Variants in ATF6 observed in about 807,000 individuals in gnomAD.
The protein encoded by ATF6 is activating transcription factor 6.
ATF6 carries 53 observed loss-of-function variants against 83.6 expected under a neutral mutation model. The observed-to-expected ratio is 0.63, with a 90% CI of 0.51 to 0.80. The LOEUF is 0.80. Ranked by LOEUF, ATF6 falls within the 30% of genes least tolerant of loss-of-function variation. The pLI is 0.00. For synonymous variants in ATF6, 288 were observed against 285.8 expected (o/e 1.01, Z -0.08); for missense variants, 744 against 797.9 (o/e 0.93, Z 0.81).
rs761462420 is a variant in ATF6, at chr1:161,807,865, C to CTTTTTTTTTTTTTTTTTT, written c.909+5608_909+5625dup. ...CTTTTTGTACTTTTTAGTTTGTCAT[C>CTTTTTTTTTTTTTTTTTT]TTTTTTTTTTTTTTTTTTTTTTTTT... On this transcript the variant is annotated intron_variant, in intron 7 of 15. Transcript: ENST00000367942. 2.5e-4 allele frequency among the ~76,000 whole-genome samples: 8 copies of CTTTTTTTTTTTTTTTTTT among 32,304 alleles called. 2 individuals are homozygous for CTTTTTTTTTTTTTTTTTT. The highest frequency in any genetic ancestry group is 4.6e-4 in the African/African-American group (4 of 8,744). 21.2% of individuals were successfully genotyped at this position (32,304 alleles called of 152,430 possible).
intron 7 of ATF6, among the ~76,000 whole-genome samples, chr1:161,804,170 T>A (rs566525895): frequency 6.6e-6 from 1 of 152,190 alleles, no homozygotes; most frequent in African/African-American, 2.4e-5. Context: ...TGAACTTGAA[T>A]GTTTCTTATA....
chr1:161,778,155 T>C (rs1285187655), intron 1 of ATF6, 89 bp from the exon 2 acceptor site: 1 of 1,009,680 alleles, frequency 9.9e-7, no homozygotes, highest in African/African-American at 1.6e-5. Context: ...TGAGAAACCT[T>C]AATAGAGGTG....
intron 12 of ATF6, among the ~76,000 whole-genome samples, chr1:161,854,985 A>C (rs549305765): frequency 6.6e-6 from 1 of 152,152 alleles, no homozygotes; most frequent in Non-Finnish European, 1.5e-5. Flanking sequence ...ACTGGAATGC[A>C]GGGGCTGAGG....
rs55853407 is a variant in ATF6 at position 161,959,669 on chromosome 1, CAAAAAAAAAAAAAAAA to C, written c.*1025_*1040del. 1.1e-5 allele frequency: 1 copy of C among 87,526 alleles called. No individual in the cohort carries two copies. The highest frequency in any genetic ancestry group is 1.3e-4 in the Admixed American group (1 of 7,994). 5.4% of individuals were successfully genotyped at this position (87,526 alleles called of 1,614,324 possible). Reference sequence around the variant, plus strand: ...TGGGCGACAGAGCGAGACTCCGTCTCAAAAAAAAAAAAAAAAAAAAAAAAAGATGGAAAGTTCGATG... The same window carrying C: ...TGGGCGACAGAGCGAGACTCCGTCTCAAAAAAAAAGATGGAAAGTTCGATG... On this transcript the variant is annotated 3_prime_UTR_variant, in exon 16 of 16. Coordinates refer to ENST00000367942, the MANE Select transcript of ATF6 (RefSeq NM_007348.4).
rs1684563533 is a variant in ATF6 at position 161,778,243 on chromosome 1, G to T, written c.83-1G>T. On this transcript the variant is annotated splice_acceptor_variant, in intron 1 of 15. Transcript: ENST00000367942. LOFTEE classifies it high-confidence loss of function. Reference sequence around the variant, plus strand: ...TTTCTATTCTTTTCCTTTGTCCAAAGATTCTGCTCTCTTTGCTGAACTCGG... The same window carrying T: ...TTTCTATTCTTTTCCTTTGTCCAAATATTCTGCTCTCTTTGCTGAACTCGG... 1 of 1,612,422 alleles carries T rather than the reference G, an allele frequency of 6.2e-7. No individual in the cohort carries two copies. The highest frequency in any genetic ancestry group is 8.5e-7 in the Non-Finnish European group (1 of 1,179,220).
chr1:161,773,959 T>C (rs545900866), intron 1 of ATF6, among the ~76,000 whole-genome samples: 1 of 152,306 alleles, frequency 6.6e-6, no homozygotes, highest in South Asian at 2.1e-4. Context: ...TTTCCTTATC[T>C]AGATTTACCA....
At chr1:161,956,546 C>T (rs750404638) in intron 15 of ATF6, among the ~76,000 whole-genome samples, 14 of 152,174 alleles carry the variant, frequency 9.2e-5, no homozygotes, top group Non-Finnish European at 2.1e-4. Context: ...ATAGCCATTG[C>T]AAAGCAGCCG....
chr1:161,925,569 G>T (rs1247132819), intron 15 of ATF6, among the ~76,000 whole-genome samples: 1 of 152,020 alleles, frequency 6.6e-6, no homozygotes, highest in Non-Finnish European at 1.5e-5. Context: ...TCTTATTTTT[G>T]TAACATTCAT....
intron 14 of ATF6, among the ~76,000 whole-genome samples, chr1:161,894,884 A>G (rs1687643016): frequency 6.6e-6 from 1 of 151,602 alleles, no homozygotes. Context: ...ACATATTTAT[A>G]TAGAATTCTT....
intron 15 of ATF6, among the ~76,000 whole-genome samples, chr1:161,918,345 CT>C (rs1688141671): frequency 6.6e-6 from 1 of 152,006 alleles, no homozygotes; most frequent in Non-Finnish European, 1.5e-5. Flanking sequence ...ACTAGGCTAC[CT>C]TTCTACCACA....
Position 161,792,217 on chromosome 1 carries a change from A to G in ATF6, c.578A>G (p.Gln193Arg). Residue 193 changes from glutamine (Q) to arginine (R), a missense_variant, in exon 6 of 16, where the codon CAA becomes CGA. Physicochemically the swap from Gln to Arg is conservative, Grantham distance 43. Coordinates refer to ENST00000367942, the MANE Select transcript of ATF6 (RefSeq NM_007348.4). ...TTGCTTCCAGCAGCACCCAAGACTC[A>G]AACAAACTCCAGTGTTCCAGCAAAA... The part of the protein sequence containing the change: ...PLLLPAAPKT[Q>R]TNSSVPAKTI... The G allele has an allele frequency of 6.2e-7, 1 of 1,614,128 alleles. No homozygotes were observed. The highest frequency in any genetic ancestry group is 1.3e-5 in the African/African-American group (1 of 75,054).
intron 7 of ATF6, among the ~76,000 whole-genome samples, 161 bp from the exon 8 acceptor site, chr1:161,819,472 T>C (rs1296857853): frequency 6.6e-6 from 1 of 152,210 alleles, no homozygotes; most frequent in African/African-American, 2.4e-5. Flanking sequence ...TTTTAACTTA[T>C]TTAGTTTGAG....
chr1:161,780,037 T>TA (rs1212334792), intron 2 of ATF6, among the ~76,000 whole-genome samples: 3 of 152,066 alleles, frequency 2.0e-5, no homozygotes, highest in Non-Finnish European at 4.4e-5. Flanking sequence ...CACACCTGGC[T>TA]AAGGCTGCTT....
At chr1:161,767,003 C>T (rs1684280982) in intron 1 of ATF6, among the ~76,000 whole-genome samples, 1 of 152,154 alleles carries the variant, frequency 6.6e-6, no homozygotes, top group African/African-American at 2.4e-5. Context: ...ATCCTGACTG[C>T]TCTCCAGATA....
At chr1:161,825,612 G>C (rs1344551349) in intron 9 of ATF6, among the ~76,000 whole-genome samples, 3 of 152,172 alleles carry the variant, frequency 2.0e-5, no homozygotes, top group African/African-American at 7.2e-5. Context: ...AGCTAAATGG[G>C]AGAGACGCAT....
chr1:161,811,996 G>A (rs1685477127), intron 7 of ATF6, among the ~76,000 whole-genome samples: 1 of 152,114 alleles, frequency 6.6e-6, no homozygotes, highest in Non-Finnish European at 1.5e-5. Flanking sequence ...TTTTCACAAA[G>A]TCTTTGTGAA....
rs746886012 is a variant in ATF6, at chr1:161,784,096, T to A, written c.354T>A (p.Pro118=). The change falls in exon 4 of 16, where the codon CCT becomes CCA. Residue 118 remains proline (P), a splice_region_variant and synonymous_variant. Transcript: ENST00000367942. ...CTTATTCTTCAACTCAGCATGTTCC[T>A]GTGAGTAGCCAGTCTTTTACAATGA... ...VDSYSSTQHV[P]EELDLSSSSQ... The A allele has an allele frequency of 2.5e-6, 4 of 1,599,346 alleles. No homozygotes were observed. The South Asian group carries it at 4.4e-5, about 18-fold the overall frequency.
At chr1:161,928,065 A>T (rs1016300123) in intron 15 of ATF6, among the ~76,000 whole-genome samples, 2 of 152,192 alleles carry the variant, frequency 1.3e-5, no homozygotes, top group Non-Finnish European at 2.9e-5. Flanking sequence ...GTTCTTTAAC[A>T]GATATAATTG....
chr1:161,786,482 ATCTTT>A, intron 4 of ATF6, among the ~76,000 whole-genome samples: 1 of 151,636 alleles, frequency 6.6e-6, no homozygotes, highest in East Asian at 1.9e-4. Flanking sequence ...CAAATTATTG[ATCTTT>A]TCTTTAATTG....
Sources: allele counts gnomAD v4.1 joint callset (sites outside exome capture counted in the v4.1 genomes callset), GRCh38; gene constraint gnomAD v4.1.1; transcripts MANE v1.5; gene names NCBI Gene and HGNC (gene_info 2026-07-23, HGNC 2026-07-21).